URI1: variants seen among roughly 807,000 people sequenced by gnomAD.
URI1 encodes URI1 prefoldin like chaperone.
URI1 carries 39 observed loss-of-function variants against 60.2 expected under a neutral mutation model. That is an observed-to-expected ratio of 0.65 (90% confidence interval 0.50 to 0.85). The LOEUF is 0.85. Ranked by LOEUF, URI1 falls within the 40% of genes least tolerant of loss-of-function variation. URI1 has a pLI of 0.00. For missense variants in URI1, 691 were observed against 665.9 expected (o/e 1.04, Z -0.42); for synonymous variants, 251 against 236.8 (o/e 1.06, Z -0.55).
At chr19:29,969,963 T>C (rs2055437555) in intron 1 of URI1, among the ~76,000 whole-genome samples, 1 of 152,060 alleles carries the variant, frequency 6.6e-6, no homozygotes, top group Non-Finnish European at 1.5e-5. Context: ...ATGGACTTTT[T>C]ATGCTGAGTT....
intron 2 of URI1, among the ~76,000 whole-genome samples, chr19:29,979,547 C>A (rs2055566802): frequency 6.6e-6 from 1 of 152,024 alleles, no homozygotes; most frequent in Admixed American, 6.5e-5. Context: ...ATATATATAT[C>A]CATTGCACTG....
intron 1 of URI1, among the ~76,000 whole-genome samples, chr19:29,968,324 T>G (rs1460042884): frequency 6.6e-6 from 1 of 152,128 alleles, no homozygotes; most frequent in Admixed American, 6.5e-5. Context: ...GGTCTTACTT[T>G]TGTGGAGGAC....
At chr19:29,968,496 T>G (rs1214297974) in intron 1 of URI1, among the ~76,000 whole-genome samples, 3 of 151,630 alleles carry the variant, frequency 2.0e-5, no homozygotes, top group African/African-American at 7.3e-5. Context: ...TAATTTAACT[T>G]AAGGGAAAAA....
chr19:29,945,650 T>C (rs765519916), intron 1 of URI1, among the ~76,000 whole-genome samples: 1 of 152,214 alleles, frequency 6.6e-6, no homozygotes, highest in Non-Finnish European at 1.5e-5. Context: ...TGCAGCTTTG[T>C]TTATAAAGAG....
intron 7 of URI1, 82 bp from the exon 8 acceptor site, chr19:30,008,923 A>C: frequency 6.5e-6 from 7 of 1,071,050 alleles, no homozygotes; most frequent in Non-Finnish European, 9.2e-6. Context: ...CTTAGTATTT[A>C]CCCATGGAAA....
chr19:29,956,601 T>A (rs937764202), intron 1 of URI1: 23 of 1,498,334 alleles, frequency 1.5e-5, no homozygotes, highest in Non-Finnish European at 2.0e-5. Context: ...AGGCAACACC[T>A]GGTCTCATCT....
intron 1 of URI1, chr19:29,957,890 CA>C (rs1332721167): frequency 7.7e-5 from 11 of 143,230 alleles, no homozygotes; most frequent in Non-Finnish European, 1.2e-4. Context: ...ACTTGCTATT[CA>C]TTTTTTTTTT....
intron 4 of URI1, among the ~76,000 whole-genome samples, chr19:29,992,028 TCTTTTA>T (rs1467841503): frequency 9.2e-5 from 14 of 152,198 alleles, no homozygotes; most frequent in Non-Finnish European, 1.5e-4. Context: ...TTTTTCCATT[TCTTTTA>T]CTTTTATGCT....
At position 30,015,666 on chromosome 19, in the gene URI1, C is replaced by CT. The variant is rs913756393; in HGVS notation, c.*605dup. The CT allele has an allele frequency of 3.5e-5, 47 of 1,360,034 alleles. No individual in the cohort carries two copies. The highest frequency in any genetic ancestry group is 4.4e-5 in the African/African-American group (3 of 67,606). 84.2% of individuals were successfully genotyped at this position (1,360,034 alleles called of 1,614,324 possible). A position where few individuals can be genotyped will look rare whatever the true frequency, so the allele number is the denominator to read the frequency against. Reference sequence around the variant, plus strand: ...TTCTTTGGAAAGATATTTTGTAAAACTTTTTTTTCCAAGTAAAAACTTTAT... The same window carrying CT: ...TTCTTTGGAAAGATATTTTGTAAAACTTTTTTTTTCCAAGTAAAAACTTTAT... On this transcript the variant is annotated 3_prime_UTR_variant, in exon 11 of 11. Coordinates refer to ENST00000392271, the MANE Select transcript of URI1 (RefSeq NM_003796.3).
At chr19:29,936,372 G>A (rs999040939) in intron 1 of URI1, among the ~76,000 whole-genome samples, 6 of 152,180 alleles carry the variant, frequency 3.9e-5, no homozygotes, top group African/African-American at 1.4e-4. Context: ...CAAAGTGCTG[G>A]AATTACAGGC....
At chr19:29,954,190 CTGCCAA>C (rs2055214253) in intron 1 of URI1, among the ~76,000 whole-genome samples, 1 of 152,242 alleles carries the variant, frequency 6.6e-6, no homozygotes, top group Non-Finnish European at 1.5e-5. Context: ...ATTAATACCA[CTGCCAA>C]TGGCAAACCT....
At chr19:29,956,346 A>C in intron 1 of URI1, 2 of 1,056,340 alleles carry the variant, frequency 1.9e-6, no homozygotes, top group Non-Finnish European at 2.7e-6. Flanking sequence ...GCATCATTGA[A>C]ATATCACAAG....
intron 4 of URI1, among the ~76,000 whole-genome samples, chr19:29,996,135 T>C (rs1441251673): frequency 6.6e-6 from 1 of 151,966 alleles, no homozygotes; most frequent in African/African-American, 2.4e-5. Context: ...CTTTTCTGTT[T>C]TTGCAAAAAA....
chr19:29,956,478 A>G (rs982895600), intron 1 of URI1: 28 of 1,590,552 alleles, frequency 1.8e-5, no homozygotes, highest in Admixed American at 3.3e-5. Context: ...ATTTCCTGAT[A>G]TCCTTGTTTT....
At chr19:29,961,663 T>A (rs1015095592) in intron 1 of URI1, among the ~76,000 whole-genome samples, 2 of 125,840 alleles carry the variant, frequency 1.6e-5, no homozygotes, top group Non-Finnish European at 3.2e-5. Context: ...TGCTTTTGAT[T>A]CTTTTTTTTT....
chr19:29,997,531 C>A (rs571640773), intron 4 of URI1, among the ~76,000 whole-genome samples: 8 of 152,010 alleles, frequency 5.3e-5, no homozygotes, highest in African/African-American at 1.9e-4. Context: ...TATAAAAATT[C>A]TGTTTTGTTT....
Position 29,942,648 on chromosome 19 carries a change from G to A in URI1, c.101G>A (p.Arg34His). ...CGCGCCCCGGATGTGGCGCGGCTGC[G>A]CGAGGAGCAGGAAAAGGTAACTAGC... ...PLRAPDVARL[R>H]EEQEKVVTNC... The change falls in exon 1 of 11, where the codon CGC becomes CAC. Residue 34 changes from arginine (R) to histidine (H), a missense_variant. Physicochemically the swap from Arg to His is conservative, Grantham distance 29. Transcript: ENST00000392271. 6.9e-7 allele frequency: 1 copy of A among 1,445,554 alleles called. No individual in the cohort carries two copies. The highest frequency in any genetic ancestry group is 9.1e-7 in the Non-Finnish European group (1 of 1,099,372). 89.5% of individuals were successfully genotyped at this position (1,445,554 alleles called of 1,614,324 possible). A position where few individuals can be genotyped will look rare whatever the true frequency, so the allele number is the denominator to read the frequency against.
At chr19:29,959,690 T>C (rs2055297579) in intron 1 of URI1, among the ~76,000 whole-genome samples, 1 of 152,224 alleles carries the variant, frequency 6.6e-6, no homozygotes, top group Admixed American at 6.5e-5. Flanking sequence ...ATCAGTAGAT[T>C]TGGTGGTGAT....
At chr19:29,946,593 A>T (rs1348385906) in intron 1 of URI1, among the ~76,000 whole-genome samples, 1 of 152,198 alleles carries the variant, frequency 6.6e-6, no homozygotes, top group Non-Finnish European at 1.5e-5. Flanking sequence ...ATACTTCCTG[A>T]TATAGATCCT....
Sources: allele counts gnomAD v4.1 joint callset (sites outside exome capture counted in the v4.1 genomes callset), GRCh38; gene constraint gnomAD v4.1.1; transcripts MANE v1.5; gene names NCBI Gene and HGNC (gene_info 2026-07-23, HGNC 2026-07-21).